The following DGKB variants were observed in gnomAD, a reference collection of about 807,000 sequenced individuals.
DGKB encodes the protein diacylglycerol kinase beta, also known as 90 kDa diacylglycerol kinase.
In DGKB, 67 loss-of-function variants were observed where a neutral mutation model predicts 114.3. The observed-to-expected ratio is 0.59, with a 90% CI of 0.48 to 0.72. The LOEUF (loss-of-function observed/expected upper bound fraction) is 0.72. Ranked by LOEUF, DGKB falls within the 30% of genes least tolerant of loss-of-function variation. The pLI is 0.00. For synonymous variants in DGKB, 398 were observed against 323.1 expected (o/e 1.23, Z -2.49); for missense variants, 907 against 975.2 (o/e 0.93, Z 0.93).
chr7:14,549,781 GATCGAGACC>G lies in DGKB; in HGVS notation c.1770+24422_1770+24430del, dbSNP rs1301152931. On this transcript the variant is annotated intron_variant, in intron 20 of 25. Coordinates refer to ENST00000402815, the MANE Select transcript of DGKB (RefSeq NM_001350709.2). ...AGGTGGGTGGATCACAAGGTCAAGA[GATCGAGACC>G]ATCCTGGCCAACATAGTGAAACCCC... Among the ~76,000 whole-genome samples, 5 of 152,312 alleles carry G rather than the reference GATCGAGACC, an allele frequency of 3.3e-5. 1 individual carries two copies. In the East Asian group the frequency reaches 9.6e-4, roughly 29 times the overall value.
At chr7:14,571,917 G>A (rs77859037) in intron 20 of DGKB, among the ~76,000 whole-genome samples, 1 of 152,134 alleles carries the variant, frequency 6.6e-6, no homozygotes, top group Non-Finnish European at 1.5e-5. Context: ...GACAAACATA[G>A]GAACAATGAT....
At chr7:14,180,295 C>T (rs2128249098) in intron 23 of DGKB, among the ~76,000 whole-genome samples, 1 of 152,298 alleles carries the variant, frequency 6.6e-6, no homozygotes, top group South Asian at 2.1e-4. Context: ...CAGAGTTAAT[C>T]TGTGAGCCCT....
chr7:14,634,492 A>ACACACG (rs748235762), intron 13 of DGKB, among the ~76,000 whole-genome samples: 2,489 of 148,808 alleles, frequency 0.017, 30 homozygotes, highest in Non-Finnish European at 0.024. Flanking sequence ...ACACACACAC[A>ACACACG]CACACACACA....
intron 23 of DGKB, among the ~76,000 whole-genome samples, chr7:14,311,045 T>C (rs1027232740): frequency 1.3e-5 from 2 of 152,006 alleles, no homozygotes; most frequent in East Asian, 3.9e-4. Context: ...GGAGGATCAC[T>C]TAAGCCCAGG....
intron 20 of DGKB, among the ~76,000 whole-genome samples, chr7:14,485,711 C>T (rs1783698541): frequency 2.1e-5 from 3 of 143,006 alleles, no homozygotes; most frequent in African/African-American, 2.6e-5. Flanking sequence ...ATGGTGAAAC[C>T]CCATCTCTAC....
intron 17 of DGKB, among the ~76,000 whole-genome samples, chr7:14,584,882 A>C (rs1455937240): frequency 2.6e-5 from 4 of 151,910 alleles, no homozygotes; most frequent in Non-Finnish European, 5.9e-5. Flanking sequence ...CTGGTCTCAT[A>C]CTGTTGACCT....
intron 8 of DGKB, among the ~76,000 whole-genome samples, chr7:14,697,564 C>T (rs1010156496): frequency 2.0e-5 from 3 of 151,566 alleles, no homozygotes; most frequent in African/African-American, 7.3e-5. Context: ...TTATCTTATT[C>T]AGAATCCACT....
At chr7:14,847,903 A>G (rs1391925476) in intron 1 of DGKB, among the ~76,000 whole-genome samples, 4 of 152,252 alleles carry the variant, frequency 2.6e-5, no homozygotes, top group Non-Finnish European at 5.9e-5. Flanking sequence ...AAAAGAAGTC[A>G]GTTATGACTG....
chr7:14,724,592 G>A (rs2128368235), intron 5 of DGKB, among the ~76,000 whole-genome samples: 1 of 152,306 alleles, frequency 6.6e-6, no homozygotes, highest in African/African-American at 2.4e-5. Context: ...TAAAGTATAG[G>A]TCTTTGGGGA....
At chr7:14,930,420 C>A (rs1784955989) in intron 1 of DGKB, among the ~76,000 whole-genome samples, 1 of 151,884 alleles carries the variant, frequency 6.6e-6, no homozygotes, top group African/African-American at 2.4e-5. Flanking sequence ...CTTGTACAGA[C>A]CTTTTATTCC....
chr7:14,630,068 C>T (rs1015316530), intron 14 of DGKB, among the ~76,000 whole-genome samples, 168 bp downstream of exon 14: 1 of 151,884 alleles, frequency 6.6e-6, no homozygotes, highest in African/African-American at 2.4e-5. Context: ...TATCCCATCA[C>T]TGAAAATATG....
chr7:14,393,192 T>G (rs1211640882), intron 21 of DGKB, among the ~76,000 whole-genome samples: 1 of 151,694 alleles, frequency 6.6e-6, no homozygotes, highest in Non-Finnish European at 1.5e-5. Flanking sequence ...GGTTTCACCG[T>G]GTAAGCCAGG....
At chr7:14,952,546 TA>T (rs147939018) in intron 1 of DGKB, among the ~76,000 whole-genome samples, 6 of 148,274 alleles carry the variant, frequency 4.0e-5, no homozygotes, top group East Asian at 2.0e-4. Flanking sequence ...TCCTCAAAAT[TA>T]AAAAAAAAAT....
At chr7:14,936,487 T>A (rs1785276339) in intron 1 of DGKB, among the ~76,000 whole-genome samples, 1 of 152,116 alleles carries the variant, frequency 6.6e-6, no homozygotes, top group South Asian at 2.1e-4. Flanking sequence ...GACAAATACC[T>A]CTAAAGTACT....
At chr7:14,297,880 C>CA (rs1237164343) in intron 23 of DGKB, among the ~76,000 whole-genome samples, 1 of 152,078 alleles carries the variant, frequency 6.6e-6, no homozygotes, top group East Asian at 1.9e-4. Flanking sequence ...AATCAATGTG[C>CA]AAAAATCACA....
intron 23 of DGKB, among the ~76,000 whole-genome samples, chr7:14,293,624 G>A (rs145035704): frequency 1.4e-4 from 22 of 152,180 alleles, no homozygotes; most frequent in East Asian, 5.8e-4. Flanking sequence ...TTGCCCTTCC[G>A]GTAATTTTTC....
chr7:14,259,399 CTCTCTCTCTATA>C (rs748143482), intron 23 of DGKB, among the ~76,000 whole-genome samples: 1,735 of 100,858 alleles, frequency 0.017, 10 homozygotes, highest in Non-Finnish European at 0.02. Flanking sequence ...CTCTCTCTCT[CTCTCTCTCTATA>C]TATATATATA....
intron 2 of DGKB, among the ~76,000 whole-genome samples, chr7:14,798,975 G>T (rs191866472): frequency 1.3e-5 from 2 of 152,298 alleles, no homozygotes; most frequent in Admixed American, 6.5e-5. Context: ...ACAGAAATTA[G>T]TGCCATCATC....
At chr7:14,238,577 T>C (rs925571176) in intron 23 of DGKB, among the ~76,000 whole-genome samples, 4 of 93,014 alleles carry the variant, frequency 4.3e-5, no homozygotes, top group African/African-American at 1.9e-4. Flanking sequence ...CATTTTCTGA[T>C]TTAATAAAAA....
Sources: gnomAD v4.1 joint callset for allele counts (sites outside exome capture counted in the v4.1 genomes callset) on GRCh38, gnomAD v4.1.1 for gene constraint, MANE v1.5 for transcripts, NCBI Gene and HGNC (gene_info 2026-07-23, HGNC 2026-07-21) for gene names.